PITPNC1: variants seen among roughly 807,000 people sequenced by gnomAD.
PITPNC1 encodes cytoplasmic phosphatidylinositol transfer protein 1.
PITPNC1 carries 18 observed loss-of-function variants against 44.7 expected under a neutral mutation model. The observed-to-expected ratio is 0.40, with a 90% confidence interval of 0.28 to 0.60. The LOEUF (loss-of-function observed/expected upper bound fraction) is 0.60, where lower values mean the gene tolerates loss of function less well. PITPNC1 is among the 20% of genes least tolerant of loss of function. The probability of loss-of-function intolerance (pLI) is 0.39; values close to 1 mark genes in which losing one functional copy is unlikely to be tolerated. For missense variants in PITPNC1, 290 were observed against 418.4 expected, an observed-to-expected ratio of 0.69 and a Z score of 2.68; for synonymous variants, 141 against 149.6, an observed-to-expected ratio of 0.94 and a Z score of 0.42.
At chr17:67,542,180 T>C (rs2144145918) in intron 2 of PITPNC1, among the ~76,000 whole-genome samples, 1 of 152,340 alleles carries the variant, frequency 6.6e-6, no homozygotes, top group South Asian at 2.1e-4. Context: ...TTTTTAGTTA[T>C]GCTTGCACCA....
Position 67,377,745 on chromosome 17 carries a change from G to A in PITPNC1, c.-410G>A, listed in dbSNP as rs982799493. 2 of 164,308 alleles carry A rather than the reference G, an allele frequency of 1.2e-5. No homozygotes were observed. The highest frequency in any genetic ancestry group is 2.6e-5 in the Non-Finnish European group (2 of 76,464). 10.2% of individuals were successfully genotyped at this position (164,308 alleles called of 1,614,324 possible). ...CTGCTTTCGGAGGCGGATCGAGCGG[G>A]TGACTTTTGTGCATTCGTTTTAATT... On this transcript the variant is annotated 5_prime_UTR_variant, in exon 1 of 9. In the 5' UTR this introduces an upstream ATG that the reference lacks. Coordinates refer to ENST00000581322, the MANE Select transcript of PITPNC1 (RefSeq NM_012417.4).
chr17:67,448,519 G>A (rs1208825802), intron 1 of PITPNC1, among the ~76,000 whole-genome samples: 4 of 152,138 alleles, frequency 2.6e-5, no homozygotes, highest in East Asian at 3.9e-4. Flanking sequence ...TGAACCTGCC[G>A]TTGGGGGTGC....
At chr17:67,522,450 C>T (rs1039745874) in intron 1 of PITPNC1, among the ~76,000 whole-genome samples, 1 of 151,988 alleles carries the variant, frequency 6.6e-6, no homozygotes, top group Non-Finnish European at 1.5e-5. Flanking sequence ...AGGCTCAATA[C>T]CTTTCAGGAA....
At chr17:67,407,235 T>G in intron 1 of PITPNC1, among the ~76,000 whole-genome samples, 1 of 152,242 alleles carries the variant, frequency 6.6e-6, no homozygotes, top group Non-Finnish European at 1.5e-5. Context: ...TCATTGTGAT[T>G]TTGATTTGCA....
intron 8 of PITPNC1, 45 bp downstream of exon 8, chr17:67,675,587 G>GT: frequency 7.5e-7 from 1 of 1,336,260 alleles, no homozygotes; most frequent in Non-Finnish European, 1.1e-6. Flanking sequence ...ACTTCATGTT[G>GT]TCTCGGGCTT....
chr17:67,416,036 G>A (rs1004465453), intron 1 of PITPNC1, among the ~76,000 whole-genome samples: 2 of 152,006 alleles, frequency 1.3e-5, no homozygotes, highest in African/African-American at 4.8e-5. Flanking sequence ...TGGCACTACC[G>A]CCGTTATGTA....
At chr17:67,461,034 C>A (rs2039330388) in intron 1 of PITPNC1, among the ~76,000 whole-genome samples, 1 of 152,018 alleles carries the variant, frequency 6.6e-6, no homozygotes, top group Non-Finnish European at 1.5e-5. Context: ...TGAGCCACTG[C>A]GCCCGGCCAG....
rs538715693 is a variant in PITPNC1, at chr17:67,684,468, T to C, written c.683-8104T>C. On this transcript the variant is annotated intron_variant, in intron 8 of 8. Transcript: ENST00000581322. ...TTTTTTCTTTTCCACAAGCAACGCATATTTGATGTAGAAAATTTCAAAAAT... is the reference window on the plus strand; with the variant it reads ...TTTTTTCTTTTCCACAAGCAACGCACATTTGATGTAGAAAATTTCAAAAAT... Among the ~76,000 whole-genome samples the C allele has an allele frequency of 5.1e-4, 78 of 152,072 alleles. 1 individual carries two copies. Among genetic ancestry groups the C allele is most frequent in the Non-Finnish European group, 2.4e-4 (16 of 68,000 alleles).
chr17:67,614,960 A>C (rs1228311160), intron 5 of PITPNC1, among the ~76,000 whole-genome samples: 1 of 150,106 alleles, frequency 6.7e-6, no homozygotes, highest in Non-Finnish European at 1.5e-5. Flanking sequence ...CCCATTGGGG[A>C]AAAATAGAAA....
At chr17:67,620,889 G>A (rs2642037) in intron 5 of PITPNC1, among the ~76,000 whole-genome samples, 5,334 of 152,280 alleles carry the variant, frequency 0.035, 208 homozygotes, top group African/African-American at 0.09. Context: ...AGGTCAGTAC[G>A]GGAGTGGATC....
intron 5 of PITPNC1, among the ~76,000 whole-genome samples, chr17:67,579,003 A>G (rs1287213036): frequency 4.6e-5 from 7 of 152,214 alleles, no homozygotes; most frequent in Admixed American, 4.6e-4. Flanking sequence ...AAAAGAGAAA[A>G]GGAAATAGAA....
intron 1 of PITPNC1, among the ~76,000 whole-genome samples, chr17:67,432,082 T>C (rs1453952739): frequency 6.6e-6 from 1 of 152,212 alleles, no homozygotes; most frequent in African/African-American, 2.4e-5. Flanking sequence ...TAAAGATGGT[T>C]TCTCTAATAA....
At chr17:67,470,013 C>T (rs1263423898) in intron 1 of PITPNC1, among the ~76,000 whole-genome samples, 1 of 152,072 alleles carries the variant, frequency 6.6e-6, no homozygotes, top group Non-Finnish European at 1.5e-5. Context: ...ACCTCCGCCT[C>T]CTGGGTTCAA....
At chr17:67,639,203 A>G (rs1216686621) in intron 6 of PITPNC1, among the ~76,000 whole-genome samples, 1 of 152,224 alleles carries the variant, frequency 6.6e-6, no homozygotes, top group Admixed American at 6.5e-5. Context: ...GCCAAGATCA[A>G]TAAACCCTGA....
chr17:67,696,616 T>TA lies in PITPNC1; in HGVS notation c.*3731dup, dbSNP rs2043014509. On this transcript the variant is annotated 3_prime_UTR_variant, in exon 9 of 9. Coordinates refer to ENST00000581322, the MANE Select transcript of PITPNC1 (RefSeq NM_012417.4). ...CCAGTGACTGCAATCTGATTATGAA[T>TA]AAACTATTTTAACTATTCATTCTTG... The TA allele has an allele frequency of 2.0e-5, 3 of 152,246 alleles. No individual in the cohort carries two copies. In the South Asian group the frequency reaches 6.2e-4, roughly 31 times the overall value. 9.4% of individuals were successfully genotyped at this position (152,246 alleles called of 1,614,324 possible). A position where few individuals can be genotyped will look rare whatever the true frequency, so the allele number is the denominator to read the frequency against.
chr17:67,407,796 G>GA (rs1030996064), intron 1 of PITPNC1, among the ~76,000 whole-genome samples: 13 of 144,076 alleles, frequency 9.0e-5, no homozygotes, highest in East Asian at 4.1e-4. Context: ...CTCTGTCTCG[G>GA]AAAAAAAAAA....
intron 8 of PITPNC1, among the ~76,000 whole-genome samples, chr17:67,685,633 G>A (rs1421095902): frequency 6.6e-6 from 1 of 152,188 alleles, no homozygotes; most frequent in Non-Finnish European, 1.5e-5. Context: ...TTGGTAAAGA[G>A]CATGAAGTTC....
intron 5 of PITPNC1, among the ~76,000 whole-genome samples, chr17:67,623,109 CAAAAAAAAA>C (rs1198070826): frequency 1.8e-4 from 15 of 85,292 alleles, no homozygotes; most frequent in East Asian, 4.0e-4. Flanking sequence ...TCCCAAAAGC[CAAAAAAAAA>C]AAAAAAAAAA....
chr17:67,499,809 G>A (rs1376063260), intron 1 of PITPNC1, among the ~76,000 whole-genome samples: 3 of 152,200 alleles, frequency 2.0e-5, no homozygotes, highest in Admixed American at 6.5e-5. Context: ...ACATAGGTGC[G>A]TAGTAGGCTA....
Sources: gnomAD v4.1 joint callset for allele counts (sites outside exome capture counted in the v4.1 genomes callset) on GRCh38, gnomAD v4.1.1 for gene constraint, MANE v1.5 for transcripts, NCBI Gene and HGNC (gene_info 2026-07-23, HGNC 2026-07-21) for gene names.